Variants in COL22A1 observed in about 807,000 individuals in gnomAD.
COL22A1 encodes collagen alpha-1(XXII) chain.
COL22A1 carries 221 observed loss-of-function variants against 248.9 expected under a neutral mutation model. The ratio of observed to expected loss-of-function variants is 0.89; its 90% CI spans 0.80 to 0.99. The LOEUF (loss-of-function observed/expected upper bound fraction) is 0.99, where lower values mean the gene tolerates loss of function less well. COL22A1 is among the 50% of genes least tolerant of loss of function. COL22A1 has a pLI of 0.00. For synonymous variants in COL22A1, 891 were observed against 793.4 expected (o/e 1.12, Z -2.07); for missense variants, 2,240 against 2,179.0 (o/e 1.03, Z -0.56).
At chr8:138,704,355 C>T (rs1277565933) in intron 30 of COL22A1, among the ~76,000 whole-genome samples, 1 of 152,226 alleles carries the variant, frequency 6.6e-6, no homozygotes, top group Non-Finnish European at 1.5e-5. Context: ...CCCAAGTAGC[C>T]TAATTGGGAG....
intron 1 of COL22A1, among the ~76,000 whole-genome samples, chr8:138,884,431 G>A (rs535745286): frequency 9.8e-5 from 15 of 152,332 alleles, no homozygotes; most frequent in African/African-American, 3.6e-4. Flanking sequence ...GAACCTCAAT[G>A]TTTGCAATGG....
intron 1 of COL22A1, among the ~76,000 whole-genome samples, chr8:138,904,349 C>A (rs961704141): frequency 6.6e-6 from 1 of 152,050 alleles, no homozygotes; most frequent in South Asian, 2.1e-4. Flanking sequence ...CACACACACA[C>A]CCTTACCACC....
chr8:138,779,668 A>T (rs1814785671), intron 13 of COL22A1, 106 bp from the exon 14 acceptor site: 5 of 729,274 alleles, frequency 6.9e-6, no homozygotes, highest in Admixed American at 6.7e-5. Context: ...AGCTCAGAAC[A>T]CATCACAGAA....
intron 1 of COL22A1, among the ~76,000 whole-genome samples, chr8:138,897,423 C>A (rs989072327): frequency 3.3e-5 from 5 of 151,936 alleles, no homozygotes; most frequent in African/African-American, 1.2e-4. Flanking sequence ...GTGGCACATG[C>A]CTGTAATCAC....
In COL22A1 at chr8:138,647,558, T is replaced by C. The variant is rs116949323; in HGVS notation, c.3448-876A>G. ...ACAAATATACGTGCATGTATAATTA[T>C]ATTGGCACACATTGCATGTTCTTTA... is the stretch of plus-strand genomic sequence containing the variant. On this transcript the variant is annotated intron_variant, in intron 46 of 64. Coordinates refer to ENST00000303045, the MANE Select transcript of COL22A1 (RefSeq NM_152888.3). Among the ~76,000 whole-genome samples, 995 of 152,336 alleles carry C rather than the reference T, an allele frequency of 6.5e-3. 5 individuals are homozygous for C. Among genetic ancestry groups the C allele is most frequent in the Middle Eastern group, 0.027 (8 of 294 alleles).
chr8:138,897,376 T>C (rs1825495357), intron 1 of COL22A1, among the ~76,000 whole-genome samples: 1 of 151,764 alleles, frequency 6.6e-6, no homozygotes, highest in Non-Finnish European at 1.5e-5. Flanking sequence ...TGAAACCCCG[T>C]CTCTACTTAA....
intron 60 of COL22A1, among the ~76,000 whole-genome samples, chr8:138,601,442 G>T (rs1818000986): frequency 6.6e-6 from 1 of 152,090 alleles, no homozygotes; most frequent in Non-Finnish European, 1.5e-5. Context: ...GGTGGGCTGG[G>T]GGTGCCTGGG....
intron 50 of COL22A1, among the ~76,000 whole-genome samples, chr8:138,627,503 A>G (rs2131980042): frequency 6.6e-6 from 1 of 152,340 alleles, no homozygotes; most frequent in East Asian, 1.9e-4. Flanking sequence ...GTCCCATAAT[A>G]AGAATGTGGC....
intron 4 of COL22A1, among the ~76,000 whole-genome samples, chr8:138,835,412 C>T (rs116982752): frequency 2.6e-5 from 4 of 152,316 alleles, no homozygotes; most frequent in South Asian, 2.1e-4. Flanking sequence ...TCTCTGGAGA[C>T]GGTTGGTTTG....
At chr8:138,643,231 C>A (rs1288376132) in intron 47 of COL22A1, among the ~76,000 whole-genome samples, 1 of 152,116 alleles carries the variant, frequency 6.6e-6, no homozygotes, top group Non-Finnish European at 1.5e-5. Context: ...TTCCTGATAC[C>A]TTTCAATCTA....
At chr8:138,738,480 A>G (rs760485422) in intron 22 of COL22A1, among the ~76,000 whole-genome samples, 4 of 152,124 alleles carry the variant, frequency 2.6e-5, no homozygotes, top group Non-Finnish European at 5.9e-5. Context: ...GTAAAATAAG[A>G]CCTTGATAAG....
chr8:138,835,816 G>A (rs1820386665), intron 4 of COL22A1, among the ~76,000 whole-genome samples: 1 of 131,804 alleles, frequency 7.6e-6, no homozygotes, highest in Non-Finnish European at 1.6e-5. Context: ...CTGCAGTTTT[G>A]TAAAATTGGG....
At position 138,694,454 on chromosome 8, in the gene COL22A1, G is replaced by A. The variant is rs1324901172; in HGVS notation, c.2700+54C>T. The A allele has an allele frequency of 9.0e-6, 14 of 1,554,660 alleles. No individual in the cohort carries two copies. In the East Asian group the frequency reaches 2.9e-4, roughly 32 times the overall value. ...GGAGGGTGGCCTGGAGCGAGAGAGT[G>A]TGGCTGGGATCTCCAAGTCTCTGAG... On this transcript the variant is annotated intron_variant, in intron 34 of 64. Transcript: ENST00000303045.
At chr8:138,906,606 T>C (rs1421353752) in intron 1 of COL22A1, among the ~76,000 whole-genome samples, 2 of 152,122 alleles carry the variant, frequency 1.3e-5, no homozygotes, top group Admixed American at 6.5e-5. Flanking sequence ...AAACTTTTAT[T>C]TTCTGAGAAG....
At chr8:138,597,041 G>A (rs377498959) in intron 61 of COL22A1, 71 bp from the exon 62 acceptor site, 1 of 1,351,970 alleles carries the variant, frequency 7.4e-7, no homozygotes, top group South Asian at 1.2e-5. Context: ...CTGAGGACTT[G>A]GGAAACCAGG....
Position 138,690,820 on chromosome 8 carries a change from C to A in COL22A1, c.2808+1G>T. On this transcript the variant is annotated splice_donor_variant, in intron 36 of 64. Transcript: ENST00000303045. LOFTEE classifies it high-confidence loss of function. ...GCGTATGCCCTCTCCCAATTACTCA[C>A]CACACTTCCTGGAGGGCCACTGGGA... The A allele has an allele frequency of 6.2e-7, 1 of 1,609,348 alleles. No homozygotes were observed. The highest frequency in any genetic ancestry group is 1.1e-5 in the South Asian group (1 of 89,862).
In COL22A1 at chr8:138,646,649, G is replaced by C. The variant is rs1822226844; in HGVS notation, c.3481C>G (p.Pro1161Ala). 2 of 1,584,674 alleles carry C rather than the reference G, an allele frequency of 1.3e-6. No homozygotes were observed. Among genetic ancestry groups the C allele is most frequent in the Non-Finnish European group, 1.7e-6 (2 of 1,165,292 alleles). ...CTGACCTGTGGTCCAGCTATTCCTGGGGGCCCTGGTAGGCCTGGAGGCCCA... is the reference window on the plus strand; with the variant it reads ...CTGACCTGTGGTCCAGCTATTCCTGCGGGCCCTGGTAGGCCTGGAGGCCCA... ...EAGPPGLPGP[P>A]GIAGPQGSQG... The change falls in exon 47 of 65, where the codon CCA (proline) becomes GCA (alanine). Residue 1161 changes from proline (P) to alanine (A), a missense_variant. Pro to Ala is a conservative substitution (Grantham distance 27). Transcript: ENST00000303045.
intron 32 of COL22A1, among the ~76,000 whole-genome samples, chr8:138,699,707 CCCTGTCTCTGGTCT>C (rs1333622144): frequency 1.3e-5 from 2 of 152,152 alleles, no homozygotes; most frequent in Non-Finnish European, 2.9e-5. Flanking sequence ...CTCTTGACAC[CCCTGTCTCTGGTCT>C]CCTTCACTGC....
At chr8:138,862,983 T>C (rs994093470) in intron 3 of COL22A1, among the ~76,000 whole-genome samples, 5 of 152,142 alleles carry the variant, frequency 3.3e-5, no homozygotes, top group Admixed American at 1.3e-4. Context: ...GGACCAGCCA[T>C]AAGTAAAGAG....
Sources: gnomAD v4.1 joint callset for allele counts (sites outside exome capture counted in the v4.1 genomes callset) on GRCh38, gnomAD v4.1.1 for gene constraint, MANE v1.5 for transcripts, NCBI Gene and HGNC (gene_info 2026-07-23, HGNC 2026-07-21) for gene names.